Variants in GRK5 observed in about 807,000 individuals in gnomAD.
GRK5 encodes the protein G protein-coupled receptor kinase 5, also known as g protein-coupled receptor kinase GRK5.
GRK5 carries 40 observed loss-of-function variants against 78.4 expected under a neutral mutation model. That is an observed-to-expected ratio of 0.51 (90% CI 0.40 to 0.66). The LOEUF is 0.66. Among genes scored for constraint, GRK5 ranks in the 30% least tolerant of loss-of-function variants. GRK5 has a pLI of 0.00. For synonymous variants in GRK5, 289 were observed against 296.8 expected, an observed-to-expected ratio of 0.97 and a Z score of 0.27; for missense variants, 598 against 759.9, an observed-to-expected ratio of 0.79 and a Z score of 2.50.
chr10:119,215,311 A>T (rs1848553830), intron 1 of GRK5, among the ~76,000 whole-genome samples: 1 of 152,150 alleles, frequency 6.6e-6, no homozygotes, highest in African/African-American at 2.4e-5. Flanking sequence ...GCTCATCGGG[A>T]CAGAGCTTCT....
intron 1 of GRK5, among the ~76,000 whole-genome samples, chr10:119,224,112 A>T (rs1239182122): frequency 6.6e-6 from 1 of 152,088 alleles, no homozygotes; most frequent in Non-Finnish European, 1.5e-5. Flanking sequence ...TATGCACTGC[A>T]CTCCAGTGAA....
At chr10:119,324,605 G>A (rs1355600679) in intron 1 of GRK5, among the ~76,000 whole-genome samples, 1 of 152,158 alleles carries the variant, frequency 6.6e-6, no homozygotes, top group African/African-American at 2.4e-5. Context: ...ACTCCATCCT[G>A]GGTGACAGAG....
intron 2 of GRK5, among the ~76,000 whole-genome samples, chr10:119,357,602 G>A (rs981959472): frequency 6.6e-6 from 1 of 152,202 alleles, no homozygotes; most frequent in African/African-American, 2.4e-5. Context: ...GCATCCAGGT[G>A]CCAGGGAAAT....
At chr10:119,398,852 C>T (rs1361538384) in intron 4 of GRK5, among the ~76,000 whole-genome samples, 1 of 152,266 alleles carries the variant, frequency 6.6e-6, no homozygotes, top group Non-Finnish European at 1.5e-5. Context: ...TGTCCTGCCA[C>T]TGTCTGTGGC....
At chr10:119,371,066 G>A (rs17098787) in intron 2 of GRK5, among the ~76,000 whole-genome samples, 10,653 of 150,488 alleles carry the variant, frequency 0.071, 561 homozygotes, top group East Asian at 0.23. Flanking sequence ...TCAGGAAGCC[G>A]CGTTCCGTCC....
intron 1 of GRK5, among the ~76,000 whole-genome samples, chr10:119,322,445 C>A (rs1850602181): frequency 2.0e-5 from 3 of 152,220 alleles, no homozygotes; most frequent in Non-Finnish European, 4.4e-5. Context: ...GGGTTGGGAA[C>A]CACTGAGGTA....
chr10:119,310,834 A>G (rs1444496903), intron 1 of GRK5, among the ~76,000 whole-genome samples: 2 of 152,202 alleles, frequency 1.3e-5, no homozygotes, highest in East Asian at 3.9e-4. Flanking sequence ...TATTAAGCCA[A>G]TTGGGAAACT....
intron 3 of GRK5, among the ~76,000 whole-genome samples, chr10:119,391,209 C>T (rs1463943400): frequency 6.6e-6 from 1 of 152,258 alleles, no homozygotes. Flanking sequence ...CCTGAGAGGG[C>T]CGCTCAGATG....
At chr10:119,344,469 T>C (rs887503679) in intron 2 of GRK5, among the ~76,000 whole-genome samples, 1 of 152,210 alleles carries the variant, frequency 6.6e-6, no homozygotes, top group African/African-American at 2.4e-5. Context: ...AGTAGGTTTT[T>C]CTTTGTGACG....
At chr10:119,313,071 ATGGTGGTGGTGG>A (rs547118391) in intron 1 of GRK5, among the ~76,000 whole-genome samples, 8 of 20,298 alleles carry the variant, frequency 3.9e-4, no homozygotes, top group African/African-American at 2.0e-3. Flanking sequence ...GGTGGTGGTG[ATGGTGGTGGTGG>A]TGGTGATGGT....
In GRK5 at chr10:119,207,728, CG is replaced by C; in HGVS notation, c.-188del. 1.8e-6 allele frequency: 1 copy of C among 556,984 alleles called. No individual in the cohort carries two copies. The highest frequency in any genetic ancestry group is 3.1e-6 in the Non-Finnish European group (1 of 325,944). The allele number at this position is 556,984 out of a possible 1,614,324, so 34.5% of individuals were successfully genotyped here. A position where few individuals can be genotyped will look rare whatever the true frequency, so the allele number is the denominator to read the frequency against. On this transcript the variant is annotated 5_prime_UTR_variant, in exon 1 of 16. Coordinates refer to ENST00000392870, the MANE Select transcript of GRK5 (RefSeq NM_005308.3). Reference sequence around the variant, plus strand: ...GAAGCGGCGGCGGCGGCGGCGGCGGCGGCGGCTCCTCTTTGCAGAGGGGGAA... The same window carrying C: ...GAAGCGGCGGCGGCGGCGGCGGCGGCGCGGCTCCTCTTTGCAGAGGGGGAA...
intron 1 of GRK5, among the ~76,000 whole-genome samples, chr10:119,284,597 C>T (rs758953717): frequency 6.6e-6 from 1 of 152,250 alleles, no homozygotes; most frequent in Non-Finnish European, 1.5e-5. Context: ...CTCAAGTGCT[C>T]CTCAGCTTCT....
chr10:119,264,642 T>C lies in GRK5; in HGVS notation c.52+56673T>C, dbSNP rs1426397903. On this transcript the variant is annotated intron_variant, in intron 1 of 15. Coordinates refer to ENST00000392870, the MANE Select transcript of GRK5 (RefSeq NM_005308.3). The surrounding 1 kb of genome is among the most constrained non-coding windows in gnomAD (Gnocchi z 4.1). ...TGTACACATCTGAAATTGATCGTCA[T>C]GGACAGGGGTTCACGTTCTGTGCTT... Among the ~76,000 whole-genome samples the C allele has an allele frequency of 6.6e-6, 1 of 152,208 alleles. No individual in the cohort carries two copies. Among genetic ancestry groups the C allele is most frequent in the African/African-American group, 2.4e-5 (1 of 41,450 alleles).
chr10:119,329,270 T>G (rs778895903), intron 2 of GRK5, among the ~76,000 whole-genome samples: 19 of 152,306 alleles, frequency 1.2e-4, no homozygotes, highest in Non-Finnish European at 1.8e-4. Context: ...GGATTTATGG[T>G]TCCAGACAAG....
chr10:119,350,636 G>A (rs117057918), intron 2 of GRK5, among the ~76,000 whole-genome samples: 2,628 of 152,298 alleles, frequency 0.017, 63 homozygotes, highest in Admixed American at 0.054. Flanking sequence ...TTTGTCCAGC[G>A]CAGAGAAGAA....
intron 1 of GRK5, among the ~76,000 whole-genome samples, chr10:119,322,061 G>C (rs1399550431): frequency 6.6e-6 from 1 of 152,192 alleles, no homozygotes; most frequent in Non-Finnish European, 1.5e-5. Flanking sequence ...GCTCACTGCA[G>C]CCTTGAACTT....
chr10:119,273,472 C>T (rs992194442), intron 1 of GRK5, among the ~76,000 whole-genome samples: 1 of 152,186 alleles, frequency 6.6e-6, no homozygotes, highest in African/African-American at 2.4e-5. Context: ...ATGATCTATT[C>T]ATGGTGTAAT....
At chr10:119,270,947 G>A (rs1456222933) in intron 1 of GRK5, among the ~76,000 whole-genome samples, 1 of 152,228 alleles carries the variant, frequency 6.6e-6, no homozygotes, top group Non-Finnish European at 1.5e-5. Flanking sequence ...CACAAATGTG[G>A]AATTTGAACT....
chr10:119,443,226 C>T (rs1853073234), intron 11 of GRK5, among the ~76,000 whole-genome samples: 1 of 152,276 alleles, frequency 6.6e-6, no homozygotes, highest in East Asian at 1.9e-4. Context: ...TTCATTGAAA[C>T]AAATATACTG....
Sources: gnomAD v4.1 joint callset for allele counts (sites outside exome capture counted in the v4.1 genomes callset) on GRCh38, gnomAD v4.1.1 for gene constraint, Gnocchi (gnomAD v3.1) non-coding constraint, MANE v1.5 for transcripts, NCBI Gene and HGNC (gene_info 2026-07-23, HGNC 2026-07-21) for gene names.